Variants in CHODL observed in about 807,000 individuals in gnomAD.
The protein encoded by CHODL is transmembrane protein MT75.
CHODL carries 29 observed loss-of-function variants against 34.5 expected under a neutral mutation model. The observed-to-expected ratio is 0.84, with a 90% CI of 0.63 to 1.15. The LOEUF is 1.15. Among genes scored for constraint, CHODL ranks in the 50% most tolerant of loss-of-function variants. The probability of loss-of-function intolerance (pLI) is 0.00; values close to 1 mark genes in which losing one functional copy is unlikely to be tolerated. For synonymous variants in CHODL, 125 were observed against 116.1 expected (o/e 1.08, Z -0.49); for missense variants, 332 against 332.5 (o/e 1.00, Z 0.01).
chr21:18,232,941 T>TTTTATATATATATATATATATATATA (rs752640406), intron 2 of CHODL, among the ~76,000 whole-genome samples: 20 of 97,596 alleles, frequency 2.0e-4, no homozygotes, highest in South Asian at 6.6e-4. Flanking sequence ...CATGATGTTA[T>TTTTATATATATATATATATATATATA]GATATATATA....
intron 2 of CHODL, among the ~76,000 whole-genome samples, chr21:18,147,548 C>T (rs9982939): frequency 0.053 from 8,052 of 152,286 alleles, 573 homozygotes; most frequent in African/African-American, 0.17. Flanking sequence ...CTTATAATCA[C>T]AGGGAGTTCT....
chr21:18,011,285 C>T (rs2064017218), intron 1 of CHODL, among the ~76,000 whole-genome samples: 1 of 119,286 alleles, frequency 8.4e-6, no homozygotes, highest in South Asian at 2.8e-4. Context: ...TTTCAGTTGC[C>T]CCCATTTTTT....
chr21:18,171,615 C>G (rs2037054887), intron 2 of CHODL, among the ~76,000 whole-genome samples: 1 of 152,010 alleles, frequency 6.6e-6, no homozygotes, highest in South Asian at 2.1e-4. Flanking sequence ...ATTCTTTTTC[C>G]TGGTATTGGG....
chr21:17,977,643 A>C (rs557060000), intron 1 of CHODL, among the ~76,000 whole-genome samples: 4 of 144,114 alleles, frequency 2.8e-5, no homozygotes, highest in African/African-American at 1.0e-4. Context: ...GACAGGTGTG[A>C]ATCACCGTGC....
At chr21:17,927,160 G>GTATATATATGTATATATGTA (rs61103356) in intron 1 of CHODL, among the ~76,000 whole-genome samples, 1 of 67,946 alleles carries the variant, frequency 1.5e-5, no homozygotes, top group African/African-American at 3.7e-5. Context: ...GTATATATAT[G>GTATATATATGTATATATGTA]TATATATGTA....
At chr21:18,071,058 T>A (rs2064798237) in intron 2 of CHODL, among the ~76,000 whole-genome samples, 1 of 151,964 alleles carries the variant, frequency 6.6e-6, no homozygotes, top group Non-Finnish European at 1.5e-5. Flanking sequence ...ATATATATAT[T>A]TTTTCAATTT....
At chr21:18,054,174 G>A (rs1004469556) in intron 2 of CHODL, among the ~76,000 whole-genome samples, 1 of 151,762 alleles carries the variant, frequency 6.6e-6, no homozygotes, top group African/African-American at 2.4e-5. Flanking sequence ...ATATATCCAT[G>A]TATATATCCA....
chr21:18,133,841 C>G (rs2072687770), intron 2 of CHODL, among the ~76,000 whole-genome samples: 1 of 152,180 alleles, frequency 6.6e-6, no homozygotes, highest in Admixed American at 6.5e-5. Context: ...CTAATAAATT[C>G]TTTTGTCACT....
chr21:18,051,952 A>C (rs977144799), intron 2 of CHODL, among the ~76,000 whole-genome samples: 1 of 152,004 alleles, frequency 6.6e-6, no homozygotes, highest in Non-Finnish European at 1.5e-5. Context: ...AAGGCAAAAC[A>C]TATGACAGAG....
At chr21:18,079,960 TA>T (rs755438970) in intron 2 of CHODL, among the ~76,000 whole-genome samples, 181 of 152,188 alleles carry the variant, frequency 1.2e-3, no homozygotes, top group Non-Finnish European at 2.1e-3. Flanking sequence ...CAACAGTGTA[TA>T]AGCATTCTCT....
chr21:18,136,193 A>G (rs1199106302), intron 2 of CHODL, among the ~76,000 whole-genome samples: 1 of 151,806 alleles, frequency 6.6e-6, no homozygotes, highest in Admixed American at 6.6e-5. Flanking sequence ...TTGTATGTTC[A>G]TTTTACTCAA....
chr21:18,053,072 G>A (rs2064535783), intron 2 of CHODL, among the ~76,000 whole-genome samples: 1 of 151,820 alleles, frequency 6.6e-6, no homozygotes, highest in Admixed American at 6.6e-5. Flanking sequence ...TCAAGCCCAA[G>A]CTCTTTATGG....
chr21:18,252,619 A>G (rs1415115334), intron 1 of CHODL, among the ~76,000 whole-genome samples: 1 of 152,152 alleles, frequency 6.6e-6, no homozygotes, highest in African/African-American at 2.4e-5. Flanking sequence ...ATAAAATAGA[A>G]TTGAATGTAA....
At position 18,256,956 on chromosome 21, in the gene CHODL, C is replaced by T. The variant is rs2074324587; in HGVS notation, c.390-14C>T. 3 of 1,609,200 alleles carry T rather than the reference C, an allele frequency of 1.9e-6. No individual in the cohort carries two copies. Among genetic ancestry groups the T allele is most frequent in the Non-Finnish European group, 2.5e-6 (3 of 1,177,708 alleles). On this transcript the variant is annotated splice_polypyrimidine_tract_variant and intron_variant, in intron 2 of 5. Transcript: ENST00000299295. ...GGCATGTATCTGAGTGTTCCTATTACTCTCTGTTTGCAGAAACTGGTACAC... is the reference window on the plus strand; with the variant it reads ...GGCATGTATCTGAGTGTTCCTATTATTCTCTGTTTGCAGAAACTGGTACAC...
At position 17,960,472 on chromosome 21, in the gene CHODL, T is replaced by A. The variant is rs79907260; in HGVS notation, c.-145+43072T>A. On this transcript the variant is annotated intron_variant, in intron 1 of 6. Transcript: ENST00000400127. ...CAATAACATGTCCCTAATTTTCAGA[T>A]CCGAGGAAGATTTTTTTCAGTTCTC... is the stretch of plus-strand genomic sequence containing the variant. Among the ~76,000 whole-genome samples the A allele has an allele frequency of 1.2e-3, 186 of 152,290 alleles. 1 individual carries two copies. The highest frequency in any genetic ancestry group is 4.1e-3 in the African/African-American group (169 of 41,570).
chr21:18,108,635 C>G (rs1197599205), intron 2 of CHODL, among the ~76,000 whole-genome samples: 1 of 152,066 alleles, frequency 6.6e-6, no homozygotes, highest in Non-Finnish European at 1.5e-5. Flanking sequence ...ACTGCCTTGT[C>G]AAGTGGTATA....
chr21:18,189,679 G>A (rs967066260), intron 2 of CHODL, among the ~76,000 whole-genome samples: 9 of 145,302 alleles, frequency 6.2e-5, no homozygotes, highest in Admixed American at 3.7e-4. Flanking sequence ...CTGTCACCTC[G>A]GCTGGAGTGC....
intron 2 of CHODL, among the ~76,000 whole-genome samples, chr21:18,056,103 A>G (rs2064576728): frequency 6.6e-6 from 1 of 152,014 alleles, no homozygotes; most frequent in Non-Finnish European, 1.5e-5. Flanking sequence ...ATTCATGGGA[A>G]GTAAAATATT....
At chr21:18,245,852 TTGCGTGTAGA>T (rs1279152713) in intron 1 of CHODL, 5 of 1,454,434 alleles carry the variant, frequency 3.4e-6, no homozygotes, top group Non-Finnish European at 4.7e-6. Flanking sequence ...AGTGTGGTCA[TTGCGTGTAGA>T]TGCCTTTCCT....
Sources: allele counts gnomAD v4.1 joint callset (sites outside exome capture counted in the v4.1 genomes callset), GRCh38; gene constraint gnomAD v4.1.1; transcripts MANE v1.5; gene names NCBI Gene and HGNC (gene_info 2026-07-23, HGNC 2026-07-21).